The following AKAP6 variants were observed in gnomAD, a reference collection of about 807,000 sequenced individuals.
AKAP6 encodes A-kinase anchor protein 6.
A neutral mutation model predicts 188.5 loss-of-function variants in AKAP6; 58 were observed. The observed-to-expected ratio is 0.31, with a 90% confidence interval of 0.25 to 0.38. The LOEUF (loss-of-function observed/expected upper bound fraction) is 0.38. Ranked by LOEUF, AKAP6 falls within the 10% of genes least tolerant of loss-of-function variation. AKAP6 has a pLI of 1.00. For synonymous variants in AKAP6, 989 were observed against 998.6 expected, an observed-to-expected ratio of 0.99 and a Z score of 0.18; for missense variants, 2,710 against 2,740.0, an observed-to-expected ratio of 0.99 and a Z score of 0.24.
At chr14:32,431,527 G>T (rs1890224724) in intron 1 of AKAP6, among the ~76,000 whole-genome samples, 1 of 151,820 alleles carries the variant, frequency 6.6e-6, no homozygotes, top group African/African-American at 2.4e-5. Context: ...TATTTTTTGA[G>T]ACGTAGTTTC....
At chr14:32,829,654 C>A (rs569863442) in intron 13 of AKAP6, among the ~76,000 whole-genome samples, 194 bp from the exon 14 acceptor site, 1 of 151,362 alleles carries the variant, frequency 6.6e-6, no homozygotes, top group African/African-American at 2.4e-5. Flanking sequence ...TTCACATCTA[C>A]GCTGAGACTT....
chr14:32,827,510 C>T (rs974043449), intron 13 of AKAP6, among the ~76,000 whole-genome samples: 1 of 152,030 alleles, frequency 6.6e-6, no homozygotes, highest in Non-Finnish European at 1.5e-5. Flanking sequence ...AATTAAAAAC[C>T]CACTGAAACT....
At chr14:32,412,297 C>T (rs1957001) in intron 1 of AKAP6, among the ~76,000 whole-genome samples, 96,412 of 152,086 alleles carry the variant, frequency 0.63, 32,969 homozygotes, top group Non-Finnish European at 0.76. Flanking sequence ...TCAGTACAAG[C>T]ATATCACATG....
At chr14:32,651,553 G>A (rs1888228458) in intron 7 of AKAP6, among the ~76,000 whole-genome samples, 1 of 152,140 alleles carries the variant, frequency 6.6e-6, no homozygotes, top group African/African-American at 2.4e-5. Flanking sequence ...TGTCTGATGA[G>A]GGTCCAGTCT....
chr14:32,772,103 A>G (rs1457265744), intron 11 of AKAP6, among the ~76,000 whole-genome samples: 5 of 152,000 alleles, frequency 3.3e-5, no homozygotes, highest in Admixed American at 3.3e-4. Flanking sequence ...AGGGAGAGAG[A>G]GAAAGAGAAC....
chr14:32,805,859 T>C (rs1266620533), intron 12 of AKAP6, among the ~76,000 whole-genome samples: 3 of 152,194 alleles, frequency 2.0e-5, no homozygotes, highest in Non-Finnish European at 4.4e-5. Context: ...GGGGTTAACA[T>C]TGAAATACCA....
chr14:32,743,960 A>T (rs969278205), intron 11 of AKAP6, among the ~76,000 whole-genome samples: 6 of 152,214 alleles, frequency 3.9e-5, no homozygotes, highest in African/African-American at 1.4e-4. Context: ...CTTGTAGGAC[A>T]GGTCTGGTGT....
intron 1 of AKAP6, among the ~76,000 whole-genome samples, chr14:32,382,352 T>G (rs1888392807): frequency 6.6e-6 from 1 of 152,168 alleles, no homozygotes; most frequent in Non-Finnish European, 1.5e-5. Flanking sequence ...GTTCAAGTCC[T>G]GGTCCCACCA....
intron 1 of AKAP6, among the ~76,000 whole-genome samples, chr14:32,401,420 A>G (rs1329940049): frequency 3.9e-5 from 6 of 152,012 alleles, no homozygotes; most frequent in Admixed American, 3.9e-4. Context: ...ATGTTTTTTT[A>G]TTTCTTTTTT....
intron 1 of AKAP6, among the ~76,000 whole-genome samples, chr14:32,375,214 A>C (rs1888122131): frequency 1.3e-5 from 2 of 152,162 alleles, no homozygotes; most frequent in Non-Finnish European, 2.9e-5. Context: ...AAAAGTAAAA[A>C]ATGAATTCAA....
At chr14:32,426,428 G>T (rs111442045) in intron 1 of AKAP6, among the ~76,000 whole-genome samples, 2 of 152,144 alleles carry the variant, frequency 1.3e-5, no homozygotes, top group Non-Finnish European at 2.9e-5. Context: ...AGTAATGTCC[G>T]TTGATTTAAA....
intron 12 of AKAP6, among the ~76,000 whole-genome samples, chr14:32,774,813 G>A (rs766056882): frequency 2.0e-5 from 3 of 152,150 alleles, no homozygotes; most frequent in Admixed American, 2.0e-4. Context: ...ATATTTTTCA[G>A]TTCTATAACT....
intron 11 of AKAP6, among the ~76,000 whole-genome samples, chr14:32,752,477 C>T (rs373021782): frequency 6.6e-5 from 10 of 152,236 alleles, no homozygotes; most frequent in African/African-American, 2.4e-4. Context: ...TTTCCACCCC[C>T]CACCTCCCAG....
At chr14:32,337,723 TC>T (rs1030545507) in intron 1 of AKAP6, among the ~76,000 whole-genome samples, 21 of 122,378 alleles carry the variant, frequency 1.7e-4, no homozygotes, top group African/African-American at 5.7e-4. Context: ...CCTTCCCCCC[TC>T]CCCCCACCCC....
At chr14:32,406,142 C>T (rs1397170350) in intron 1 of AKAP6, among the ~76,000 whole-genome samples, 1 of 152,170 alleles carries the variant, frequency 6.6e-6, no homozygotes, top group African/African-American at 2.4e-5. Context: ...TTAAGTGTGT[C>T]AGGACTGATA....
At chr14:32,816,503 G>A (rs1009095664) in intron 12 of AKAP6, among the ~76,000 whole-genome samples, 2 of 152,114 alleles carry the variant, frequency 1.3e-5, no homozygotes, top group East Asian at 3.9e-4. Flanking sequence ...TCCTGCTTTT[G>A]TTTTTGTTTT....
chr14:32,362,392 A>G (rs1053583850), intron 1 of AKAP6, among the ~76,000 whole-genome samples: 1 of 152,212 alleles, frequency 6.6e-6, no homozygotes, highest in African/African-American at 2.4e-5. Flanking sequence ...GCACATTAAT[A>G]CAAAGTAATG....
intron 7 of AKAP6, among the ~76,000 whole-genome samples, chr14:32,638,689 C>A (rs963717028): frequency 6.6e-6 from 1 of 151,728 alleles, no homozygotes; most frequent in Admixed American, 6.6e-5. Context: ...ATATAAGACA[C>A]ATATATTGAG....
chr14:32,752,007 T>C (rs2139909407), intron 11 of AKAP6, among the ~76,000 whole-genome samples: 1 of 152,346 alleles, frequency 6.6e-6, no homozygotes, highest in East Asian at 1.9e-4. Context: ...ACAGTGTCTG[T>C]TGATGTGTGT....
Sources: allele counts gnomAD v4.1 joint callset (sites outside exome capture counted in the v4.1 genomes callset), GRCh38; gene constraint gnomAD v4.1.1; transcripts MANE v1.5; gene names NCBI Gene and HGNC (gene_info 2026-07-23, HGNC 2026-07-21).